Variants in WNK2 observed in about 807,000 individuals in gnomAD.
WNK2 encodes WNK lysine deficient protein kinase 2.
Under a neutral mutation model 192.1 loss-of-function variants are expected in WNK2, and 67 were observed. The observed-to-expected ratio is 0.35, with a 90% CI of 0.29 to 0.43. The LOEUF is 0.43. Among genes scored for constraint, WNK2 ranks in the 20% least tolerant of loss-of-function variants. The pLI is 1.00. For missense variants in WNK2, 2,698 were observed against 3,089.7 expected (o/e 0.87, Z 3.01); for synonymous variants, 1,439 against 1,393.9 (o/e 1.03, Z -0.72).
intron 19 of WNK2, among the ~76,000 whole-genome samples, chr9:93,280,566 G>A (rs918772514): frequency 6.6e-6 from 1 of 152,158 alleles, no homozygotes. Flanking sequence ...TCATAGCAGC[G>A]TTATTGATAA....
intron 8 of WNK2, among the ~76,000 whole-genome samples, chr9:93,250,470 C>T (rs1398993944): frequency 2.6e-5 from 4 of 152,220 alleles, no homozygotes; most frequent in South Asian, 2.1e-4. Flanking sequence ...GATAGCACCC[C>T]GCATAGCCTT....
chr9:93,238,430 C>T, intron 6 of WNK2, 109 bp downstream of exon 6: 2 of 1,079,980 alleles, frequency 1.9e-6, no homozygotes, highest in Admixed American at 4.0e-5. Flanking sequence ...CAGGCAGGCT[C>T]AGGCCAGGGT....
At chr9:93,289,949 C>T in intron 20 of WNK2, 29 bp from the exon 21 acceptor site, 1 of 1,547,994 alleles carries the variant, frequency 6.5e-7, no homozygotes, top group Non-Finnish European at 8.7e-7. Context: ...AGTCTCACGG[C>T]TCTTCTCTTT....
At chr9:93,238,192 G>T (rs759394684) in intron 5 of WNK2, 41 bp from the exon 6 acceptor site, 10 of 1,600,562 alleles carry the variant, frequency 6.2e-6, no homozygotes, top group Non-Finnish European at 5.1e-6. Flanking sequence ...TCGCCTTCCG[G>T]CAGCCGATCG....
At chr9:93,238,164 C>G in intron 5 of WNK2, 69 bp from the exon 6 acceptor site, 1 of 1,430,368 alleles carries the variant, frequency 7.0e-7, no homozygotes, top group South Asian at 1.2e-5. Context: ...GGGAGTTCCT[C>G]CCACTGTGGT....
At chr9:93,297,636 A>C (rs781061549) in intron 23 of WNK2, among the ~76,000 whole-genome samples, 1 of 152,256 alleles carries the variant, frequency 6.6e-6, no homozygotes, top group Non-Finnish European at 1.5e-5. Context: ...CGTCGATGCC[A>C]GAGGCCCACT....
chr9:93,280,218 A>G (rs1349700094), intron 19 of WNK2, among the ~76,000 whole-genome samples: 1 of 152,232 alleles, frequency 6.6e-6, no homozygotes, highest in African/African-American at 2.4e-5. Flanking sequence ...TAAACGATCT[A>G]TTGAAAAGGT....
chr9:93,276,265 C>T (rs1846859195), intron 19 of WNK2, among the ~76,000 whole-genome samples: 1 of 152,146 alleles, frequency 6.6e-6, no homozygotes, highest in African/African-American at 2.4e-5. Context: ...ATCGGTGGAA[C>T]AGAATGAGCC....
chr9:93,240,637 G>T (rs531908505), intron 7 of WNK2, among the ~76,000 whole-genome samples: 2 of 152,252 alleles, frequency 1.3e-5, no homozygotes, highest in African/African-American at 2.4e-5. Context: ...AGGCAGAAAG[G>T]AGTGGGAGTG....
chr9:93,269,750 C>G (rs79662911), intron 19 of WNK2, among the ~76,000 whole-genome samples: 1 of 152,124 alleles, frequency 6.6e-6, no homozygotes, highest in African/African-American at 2.4e-5. Context: ...GGGGACAGTA[C>G]GGTTAATAGA....
intron 2 of WNK2, among the ~76,000 whole-genome samples, chr9:93,226,604 C>T (rs148708380): frequency 8.4e-4 from 128 of 152,336 alleles, no homozygotes; most frequent in African/African-American, 3.1e-3. Flanking sequence ...CATCACCCTC[C>T]ACCCCAAGAT....
intron 2 of WNK2, among the ~76,000 whole-genome samples, chr9:93,196,096 G>A (rs1831229813): frequency 6.6e-6 from 1 of 152,174 alleles, no homozygotes; most frequent in Admixed American, 6.5e-5. Context: ...AAGGGTGCGA[G>A]GGGGAAGGTG....
chr9:93,217,237 G>A (rs530071143), intron 2 of WNK2, among the ~76,000 whole-genome samples: 14 of 152,156 alleles, frequency 9.2e-5, no homozygotes, highest in Non-Finnish European at 1.9e-4. Context: ...GATTACAGGC[G>A]AAAGCCACCG....
At chr9:93,258,894 T>C (rs1843729876) in intron 11 of WNK2, 37 bp from the exon 12 acceptor site, 3 of 1,567,204 alleles carry the variant, frequency 1.9e-6, no homozygotes, top group Non-Finnish European at 2.6e-6. Flanking sequence ...GGACCCTGGT[T>C]GGGGCCCACA....
intron 5 of WNK2, among the ~76,000 whole-genome samples, chr9:93,237,409 T>C (rs1840008003): frequency 6.6e-6 from 1 of 152,240 alleles, no homozygotes; most frequent in African/African-American, 2.4e-5. Flanking sequence ...GGTTCACTCG[T>C]CTTTTTTCTG....
At position 93,297,843 on chromosome 9, in the gene WNK2, C is replaced by T; in HGVS notation, c.5709-10C>T. The stretch of plus-strand genomic sequence containing the variant: ...AGCCCATCGGCGCTCCCTCCTGTCC[C>T]CTCCTGCAGGCACCTGAAGGAGATC... On this transcript the variant is annotated splice_polypyrimidine_tract_variant and intron_variant, in intron 23 of 29. Transcript: ENST00000427277. 1.3e-6 allele frequency: 2 copies of T among 1,568,096 alleles called. No individual in the cohort carries two copies. Among genetic ancestry groups the T allele is most frequent in the South Asian group, 1.2e-5 (1 of 85,194 alleles).
At chr9:93,208,849 G>A (rs1251260050) in intron 2 of WNK2, among the ~76,000 whole-genome samples, 4 of 44,620 alleles carry the variant, frequency 9.0e-5, no homozygotes, top group Non-Finnish European at 9.7e-5. Context: ...GTGAATGCAT[G>A]TGTCTTCCGT....
At chr9:93,306,940 G>C in intron 27 of WNK2, 119 bp downstream of exon 27, 1 of 1,285,990 alleles carries the variant, frequency 7.8e-7, no homozygotes. Flanking sequence ...CCTGCCCCGC[G>C]CCTGCTCCAT....
rs777728277 is a variant in WNK2, at chr9:93,185,574, G to T, written c.645G>T (p.Thr215=). ...SFKTVYKGLD[T]ETWVEVAWCE... ...AGACGGTCTACAAGGGGCTGGACAC[G>T]GAGACCTGGGTGGAGGTGGCCTGGT... is the stretch of plus-strand genomic sequence containing the variant. Residue 215 remains threonine, a synonymous_variant, in exon 2 of 30, where the codon ACG becomes ACT. Coordinates refer to ENST00000427277, the MANE Select transcript of WNK2 (RefSeq NM_006648.4). 1 of 1,612,440 alleles carries T rather than the reference G, an allele frequency of 6.2e-7. No homozygotes were observed. Among genetic ancestry groups the T allele is most frequent in the Non-Finnish European group, 8.5e-7 (1 of 1,179,368 alleles).
Sources: gnomAD v4.1 joint callset for allele counts (sites outside exome capture counted in the v4.1 genomes callset) on GRCh38, gnomAD v4.1.1 for gene constraint, MANE v1.5 for transcripts, NCBI Gene and HGNC (gene_info 2026-07-23, HGNC 2026-07-21) for gene names.